The following PSMB2 variants were observed in gnomAD, a reference collection of about 807,000 sequenced individuals.
PSMB2 encodes proteasome 20S subunit beta 2, also known as proteasome subunit beta type-2.
Under a neutral mutation model 25.7 loss-of-function variants are expected in PSMB2, and 13 were observed. That is an observed-to-expected ratio of 0.51 (90% confidence interval 0.33 to 0.80). The LOEUF (loss-of-function observed/expected upper bound fraction) is 0.80, where lower values mean the gene tolerates loss of function less well. PSMB2 is among the 30% of genes least tolerant of loss of function. PSMB2 has a pLI of 0.02. For synonymous variants in PSMB2, 87 were observed against 96.2 expected (o/e 0.90, Z 0.56); for missense variants, 202 against 259.0 (o/e 0.78, Z 1.51).
chr1:35,608,002 G>C (rs555069326), intron 4 of PSMB2, among the ~76,000 whole-genome samples: 2 of 152,328 alleles, frequency 1.3e-5, no homozygotes, highest in South Asian at 4.1e-4. Context: ...TCTCATAGAA[G>C]TAAAAAGTAG....
intron 3 of PSMB2, among the ~76,000 whole-genome samples, chr1:35,615,961 C>A (rs557539220): frequency 6.6e-6 from 1 of 152,196 alleles, no homozygotes; most frequent in African/African-American, 2.4e-5. Flanking sequence ...AGGAACAGTA[C>A]ATCTGCTATT....
At chr1:35,632,798 G>A (rs980929222) in intron 2 of PSMB2, among the ~76,000 whole-genome samples, 5 of 152,100 alleles carry the variant, frequency 3.3e-5, no homozygotes, top group African/African-American at 9.7e-5. Flanking sequence ...GGAGGCTGAG[G>A]TGGAAGGATC....
At chr1:35,624,781 C>T (rs1650801502) in intron 3 of PSMB2, among the ~76,000 whole-genome samples, 1 of 151,206 alleles carries the variant, frequency 6.6e-6, no homozygotes, top group Non-Finnish European at 1.5e-5. Flanking sequence ...AACAAAAAAA[C>T]GCCAGGCACG....
chr1:35,631,149 G>A (rs1257033729), intron 3 of PSMB2, 125 bp downstream of exon 3: 1 of 814,312 alleles, frequency 1.2e-6, no homozygotes. Context: ...GAATGAACAA[G>A]TAGCAACAGG....
At chr1:35,625,900 G>C (rs1650846966) in intron 3 of PSMB2, among the ~76,000 whole-genome samples, 1 of 151,958 alleles carries the variant, frequency 6.6e-6, no homozygotes, top group African/African-American at 2.4e-5. Context: ...GCAGTGGCAT[G>C]ATCTCAGCTC....
In PSMB2 at chr1:35,602,687, G is replaced by A. The variant is rs919032066; in HGVS notation, c.*580C>T. ...TAATTTTTGTATTTTTAGTAGAGAC[G>A]GGGTTTTACCATGTTGGTCAGGATG... is the stretch of plus-strand genomic sequence containing the variant. On this transcript the variant is annotated 3_prime_UTR_variant, in exon 6 of 6. Coordinates refer to ENST00000373237, the MANE Select transcript of PSMB2 (RefSeq NM_002794.5). 1.3e-5 allele frequency: 2 copies of A among 159,578 alleles called. No homozygotes were observed. Among genetic ancestry groups the A allele is most frequent in the African/African-American group, 2.4e-5 (1 of 41,500 alleles). 9.9% of individuals were successfully genotyped at this position (159,578 alleles called of 1,614,324 possible). A position where few individuals can be genotyped will look rare whatever the true frequency, so the allele number is the denominator to read the frequency against.
intron 2 of PSMB2, among the ~76,000 whole-genome samples, chr1:35,631,864 AT>A (rs979135306): frequency 6.6e-6 from 1 of 151,642 alleles, no homozygotes; most frequent in Admixed American, 6.6e-5. Flanking sequence ...TCTAAAAAAA[AT>A]TTTTTTTTAA....
rs1651290817 is a variant in PSMB2, at chr1:35,637,921, A to T, written c.92-1489T>A. 3.9e-5 allele frequency among the ~76,000 whole-genome samples: 6 copies of T among 152,328 alleles called. 1 individual carries two copies. In the South Asian group the frequency reaches 1.2e-3, roughly 32 times the overall value. On this transcript the variant is annotated intron_variant, in intron 1 of 5. Transcript: ENST00000373237. ...TATATTCTAAGTGCTTGCCAGTGGT[A>T]AGAGTATGGGCAGTTTTCGTTTCCT... is the stretch of plus-strand genomic sequence containing the variant.
chr1:35,613,299 A>C (rs2148565823), intron 3 of PSMB2, among the ~76,000 whole-genome samples: 1 of 152,116 alleles, frequency 6.6e-6, no homozygotes, highest in Non-Finnish European at 1.5e-5. Context: ...GCACTTTGGG[A>C]GGCCAAGGTG....
In PSMB2 at chr1:35,619,147, T is replaced by C. The variant is rs569608134; in HGVS notation, c.286-9739A>G. Among the ~76,000 whole-genome samples, 51 of 152,346 alleles carry C rather than the reference T, an allele frequency of 3.3e-4. 1 individual carries two copies. The highest frequency in any genetic ancestry group is 3.4e-3 in the Middle Eastern group (1 of 294). On this transcript the variant is annotated intron_variant, in intron 3 of 5. Coordinates refer to ENST00000373237, the MANE Select transcript of PSMB2 (RefSeq NM_002794.5). ...GATGCTGGCAGATCCAAAATAAAAA[T>C]ATAAAAATTGTCTTTGTTTTCCTTT...
chr1:35,626,049 G>T (rs1223061280), intron 3 of PSMB2, among the ~76,000 whole-genome samples: 1 of 152,048 alleles, frequency 6.6e-6, no homozygotes, highest in Non-Finnish European at 1.5e-5. Context: ...TGTTGGCCAG[G>T]CTGGTCTTGA....
intron 3 of PSMB2, among the ~76,000 whole-genome samples, chr1:35,612,147 T>C (rs1337693414): frequency 6.6e-6 from 1 of 152,200 alleles, no homozygotes; most frequent in East Asian, 1.9e-4. Flanking sequence ...TCAAGACTTC[T>C]GAGAAAATAA....
intron 3 of PSMB2, among the ~76,000 whole-genome samples, chr1:35,625,603 A>G (rs562428878): frequency 1.3e-5 from 2 of 151,998 alleles, no homozygotes; most frequent in African/African-American, 4.8e-5. Context: ...TCTACTAAAA[A>G]TACAAAAAAG....
rs2148559585 is a variant in PSMB2 at position 35,601,998 on chromosome 1, CTAATA to C, written c.*1264_*1268del. The stretch of plus-strand genomic sequence containing the variant: ...TATATGTATTGATATAAAACAATCT[CTAATA>C]TAGTGTTAAGTGAAATAAGCAATAT... On this transcript the variant is annotated 3_prime_UTR_variant, in exon 6 of 6. Transcript: ENST00000373237. 1.2e-6 allele frequency: 1 copy of C among 839,430 alleles called. No individual in the cohort carries two copies. Among genetic ancestry groups the C allele is most frequent in the African/African-American group, 1.8e-5 (1 of 54,248 alleles). The allele number at this position is 839,430 out of a possible 1,614,324, so 52.0% of individuals were successfully genotyped here. A position where few individuals can be genotyped will look rare whatever the true frequency, so the allele number is the denominator to read the frequency against.
rs1650044679 is a variant in PSMB2, at chr1:35,602,850, G to A, written c.*417C>T. 2.3e-6 allele frequency: 2 copies of A among 864,820 alleles called. No individual in the cohort carries two copies. Among genetic ancestry groups the A allele is most frequent in the African/African-American group, 3.7e-5 (2 of 54,480 alleles). The allele number at this position is 864,820 out of a possible 1,614,324, so 53.6% of individuals were successfully genotyped here. A position where few individuals can be genotyped will look rare whatever the true frequency, so the allele number is the denominator to read the frequency against. On this transcript the variant is annotated 3_prime_UTR_variant, in exon 6 of 6. Transcript: ENST00000373237. Reference sequence around the variant, plus strand: ...TTGTACTGTTTGCATGTTACATTAAGTGCATGTATTATTAATTCAGGTTAA... The same window carrying A: ...TTGTACTGTTTGCATGTTACATTAAATGCATGTATTATTAATTCAGGTTAA...
At chr1:35,631,416 C>T in intron 2 of PSMB2, 72 bp from the exon 3 acceptor site, 2 of 1,597,504 alleles carry the variant, frequency 1.3e-6, no homozygotes, top group Non-Finnish European at 8.6e-7. Context: ...TTATTCACTA[C>T]CCCTGTTCCT....
At chr1:35,628,227 C>G (rs114197012) in intron 3 of PSMB2, among the ~76,000 whole-genome samples, 1,662 of 152,236 alleles carry the variant, frequency 0.011, 40 homozygotes, top group African/African-American at 0.038. Flanking sequence ...AGCCCCATGT[C>G]ACTGTCTACA....
chr1:35,614,743 G>T (rs1311780178), intron 3 of PSMB2, among the ~76,000 whole-genome samples: 1 of 152,208 alleles, frequency 6.6e-6, no homozygotes, highest in Non-Finnish European at 1.5e-5. Flanking sequence ...GTTTAAAGTT[G>T]TGTCTAATTG....
intron 1 of PSMB2, among the ~76,000 whole-genome samples, chr1:35,638,155 T>G (rs1327417921): frequency 1.3e-5 from 2 of 152,164 alleles, no homozygotes; most frequent in African/African-American, 4.8e-5. Flanking sequence ...TAAAATTAGC[T>G]TAATACAAGG....
Sources: allele counts gnomAD v4.1 joint callset (sites outside exome capture counted in the v4.1 genomes callset), GRCh38; gene constraint gnomAD v4.1.1; transcripts MANE v1.5; gene names NCBI Gene and HGNC (gene_info 2026-07-23, HGNC 2026-07-21).